Variants in NCK2 observed in about 807,000 individuals in gnomAD.
NCK2 encodes NCK adaptor protein 2.
In NCK2, 16 loss-of-function variants were observed where a neutral mutation model predicts 33.9. The ratio of observed to expected loss-of-function variants is 0.47; its 90% CI spans 0.32 to 0.72. The LOEUF (loss-of-function observed/expected upper bound fraction) is 0.72, where lower values mean the gene tolerates loss of function less well. Among genes scored for constraint, NCK2 ranks in the 30% least tolerant of loss-of-function variants. The pLI, the probability that NCK2 is intolerant of heterozygous loss-of-function variation, is 0.03. For synonymous variants in NCK2, 273 were observed against 239.9 expected (o/e 1.14, Z -1.27); for missense variants, 418 against 537.3 (o/e 0.78, Z 2.19).
At chr2:105,866,500 C>A (rs139424488) in intron 3 of NCK2, among the ~76,000 whole-genome samples, 5 of 152,200 alleles carry the variant, frequency 3.3e-5, no homozygotes, top group Non-Finnish European at 5.9e-5. Flanking sequence ...GAGGTGGGGG[C>A]GATGGTTTCG....
chr2:105,753,922 T>G (rs1289579376), intron 1 of NCK2, among the ~76,000 whole-genome samples: 1 of 152,198 alleles, frequency 6.6e-6, no homozygotes, highest in African/African-American at 2.4e-5. Flanking sequence ...CTTGGGAGAC[T>G]GCTGCTACAG....
At chr2:105,799,614 C>A (rs565197973) in intron 1 of NCK2, among the ~76,000 whole-genome samples, 1 of 152,262 alleles carries the variant, frequency 6.6e-6, no homozygotes, top group Admixed American at 6.5e-5. Context: ...TGAAAACTTC[C>A]TATTTTAAAG....
chr2:105,871,571 C>T (rs191734722), intron 3 of NCK2, among the ~76,000 whole-genome samples: 1,968 of 152,162 alleles, frequency 0.013, 26 homozygotes, highest in South Asian at 0.027. Context: ...TCTCGGCTCA[C>T]TGCAACCTCC....
intron 2 of NCK2, among the ~76,000 whole-genome samples, chr2:105,831,027 A>G (rs1264676676): frequency 6.6e-6 from 1 of 152,074 alleles, no homozygotes; most frequent in Admixed American, 6.6e-5. Flanking sequence ...CCTATTCCAG[A>G]GTGTCTCTTC....
intron 1 of NCK2, among the ~76,000 whole-genome samples, chr2:105,747,942 T>TA (rs1411189751): frequency 6.6e-6 from 1 of 152,174 alleles, no homozygotes; most frequent in African/African-American, 2.4e-5. Flanking sequence ...GTAGCACAAT[T>TA]AAAAAATTAG....
chr2:105,893,384 G>C lies in NCK2; in HGVS notation c.*208G>C, dbSNP rs555699179. 19 of 541,832 alleles carry C rather than the reference G, an allele frequency of 3.5e-5. No homozygotes were observed. Among genetic ancestry groups the C allele is most frequent in the Admixed American group, 2.1e-4 (7 of 32,790 alleles). 33.6% of individuals were successfully genotyped at this position (541,832 alleles called of 1,614,324 possible). On this transcript the variant is annotated 3_prime_UTR_variant, in exon 5 of 5. Coordinates refer to ENST00000233154, the MANE Select transcript of NCK2 (RefSeq NM_003581.5). ...CCCACCCGGCCGGCCAGCTTTAGAGGAGGGGAGGAGCAGGGCGAGTTCACA... is the reference window on the plus strand; with the variant it reads ...CCCACCCGGCCGGCCAGCTTTAGAGCAGGGGAGGAGCAGGGCGAGTTCACA...
At chr2:105,785,366 A>C (rs1690640986) in intron 1 of NCK2, among the ~76,000 whole-genome samples, 1 of 152,174 alleles carries the variant, frequency 6.6e-6, no homozygotes, top group South Asian at 2.1e-4. Context: ...CTGGCCAAGG[A>C]GGCTAGTGGG....
chr2:105,882,922 G>C (rs1003886207), intron 4 of NCK2, among the ~76,000 whole-genome samples: 1 of 152,168 alleles, frequency 6.6e-6, no homozygotes, highest in Non-Finnish European at 1.5e-5. Context: ...TATAAGACTA[G>C]TAAGTATGTA....
At chr2:105,835,409 G>GTGTGTGTATATATATATATGTA (rs56250020) in intron 2 of NCK2, among the ~76,000 whole-genome samples, 1 of 59,322 alleles carries the variant, frequency 1.7e-5, no homozygotes, top group Non-Finnish European at 3.3e-5. Flanking sequence ...ATATATACGT[G>GTGTGTGTATATATATATATGTA]TATATATATA....
In NCK2 at chr2:105,767,557, C is replaced by T. The variant is rs542574903; in HGVS notation, c.-201+22419C>T. Among the ~76,000 whole-genome samples the T allele has an allele frequency of 2.0e-5, 3 of 152,330 alleles. No individual in the cohort carries two copies. The East Asian group carries it at 5.8e-4, about 29-fold the overall frequency. ...TGAATACAGTTTTATTAGAACCCAG[C>T]TGGGCTCATTCATTTCCACAGCATC... On this transcript the variant is annotated intron_variant, in intron 1 of 4. Coordinates refer to ENST00000233154, the MANE Select transcript of NCK2 (RefSeq NM_003581.5).
intron 2 of NCK2, among the ~76,000 whole-genome samples, chr2:105,833,152 T>G (rs1173386293): frequency 6.6e-6 from 1 of 152,036 alleles, no homozygotes; most frequent in African/African-American, 2.4e-5. Context: ...TGGAGTGTAG[T>G]GGCGTGATCT....
intron 1 of NCK2, among the ~76,000 whole-genome samples, chr2:105,761,062 C>T (rs993971720): frequency 6.6e-6 from 1 of 152,132 alleles, no homozygotes; most frequent in African/African-American, 2.4e-5. Flanking sequence ...TGGTCCCGAC[C>T]CAGTGTCTGA....
At chr2:105,857,485 TC>T (rs1677327682) in intron 3 of NCK2, among the ~76,000 whole-genome samples, 3 of 152,370 alleles carry the variant, frequency 2.0e-5, no homozygotes, top group Non-Finnish European at 2.9e-5. Context: ...CTTTCTTCCT[TC>T]CTTTGGCTCT....
intron 3 of NCK2, among the ~76,000 whole-genome samples, chr2:105,864,271 C>T (rs951328049): frequency 8.6e-5 from 13 of 151,986 alleles, no homozygotes; most frequent in Admixed American, 2.0e-4. Flanking sequence ...AGGTGGGGGA[C>T]GGGGCCTGAG....
At position 105,881,889 on chromosome 2, in the gene NCK2, C is replaced by T; in HGVS notation, c.788C>T (p.Pro263Leu). The change falls in exon 4 of 5, where the codon CCT (proline) becomes CTT (leucine). Residue 263 changes from proline (P) to leucine (L), a missense_variant. Transcript: ENST00000233154. ...VVLSDGPALH[P>L]AHAPQISYTG... ...CTCAGTGACGGGCCTGCCCTGCACC[C>T]TGCGCACGCCCCACAGATAAGCTAC... 1.3e-6 allele frequency: 2 copies of T among 1,569,930 alleles called. No homozygotes were observed. Among genetic ancestry groups the T allele is most frequent in the East Asian group, 2.2e-5 (1 of 44,502 alleles).
chr2:105,792,080 A>G (rs1309818025), intron 1 of NCK2, among the ~76,000 whole-genome samples: 1 of 152,138 alleles, frequency 6.6e-6, no homozygotes, highest in Non-Finnish European at 1.5e-5. Flanking sequence ...TGCCTTGGTG[A>G]CCGGAGAGAT....
At chr2:105,824,605 CA>C (rs1291218280) in intron 2 of NCK2, among the ~76,000 whole-genome samples, 2 of 152,068 alleles carry the variant, frequency 1.3e-5, no homozygotes, top group Non-Finnish European at 2.9e-5. Context: ...GTCATTTTCC[CA>C]GTCGTTAAGT....
intron 1 of NCK2, among the ~76,000 whole-genome samples, chr2:105,769,000 A>G (rs13034089): frequency 0.34 from 51,310 of 151,850 alleles, 9,766 homozygotes; most frequent in East Asian, 0.46. Flanking sequence ...TAGGGGGTGC[A>G]GAAAGTTCCC....
intron 2 of NCK2, among the ~76,000 whole-genome samples, chr2:105,843,134 A>T (rs1380839563): frequency 6.6e-6 from 1 of 152,088 alleles, no homozygotes; most frequent in African/African-American, 2.4e-5. Context: ...ATCTACATAT[A>T]CATAAATGAG....
Sources: allele counts gnomAD v4.1 joint callset (sites outside exome capture counted in the v4.1 genomes callset), GRCh38; gene constraint gnomAD v4.1.1; transcripts MANE v1.5; gene names NCBI Gene and HGNC (gene_info 2026-07-23, HGNC 2026-07-21).